The following NCAM2 variants were observed in gnomAD, a reference collection of about 807,000 sequenced individuals.
The protein encoded by NCAM2 is N-CAM-2.
In NCAM2, 30 loss-of-function variants were observed where a neutral mutation model predicts 98.1. The ratio of observed to expected loss-of-function variants is 0.31; its 90% CI spans 0.23 to 0.41. NCAM2 has a LOEUF of 0.41. Ranked by LOEUF, NCAM2 falls within the 10% of genes least tolerant of loss-of-function variation. NCAM2 has a pLI of 1.00. For missense variants in NCAM2, 867 were observed against 1,005.8 expected (o/e 0.86, Z 1.87); for synonymous variants, 368 against 342.4 (o/e 1.07, Z -0.83).
At position 21,474,644 on chromosome 21, in the gene NCAM2, G is replaced by T. The variant is rs372047873; in HGVS notation, c.1897-2647G>T. Among the ~76,000 whole-genome samples the T allele has an allele frequency of 5.9e-5, 9 of 151,830 alleles. No homozygotes were observed. The South Asian group carries it at 1.7e-3, about 28-fold the overall frequency. ...ATTTACTCACATCAACCACTTCATC[G>T]TTACATAGAAAGTACTGAATAGCTG... On this transcript the variant is annotated intron_variant, in intron 14 of 17. Coordinates refer to ENST00000400546, the MANE Select transcript of NCAM2 (RefSeq NM_004540.5).
intron 16 of NCAM2, among the ~76,000 whole-genome samples, chr21:21,515,720 A>G (rs933325154): frequency 2.6e-5 from 4 of 152,174 alleles, no homozygotes; most frequent in African/African-American, 9.6e-5. Context: ...CACCCTGGGT[A>G]TGACCATGAA....
chr21:21,527,252 C>T (rs1989377332), intron 16 of NCAM2, among the ~76,000 whole-genome samples: 1 of 151,992 alleles, frequency 6.6e-6, no homozygotes, highest in Non-Finnish European at 1.5e-5. Context: ...GCTGGGATTA[C>T]AGGCGCGTGC....
intron 1 of NCAM2, among the ~76,000 whole-genome samples, chr21:21,244,621 G>A (rs998521542): frequency 6.6e-6 from 1 of 152,068 alleles, no homozygotes; most frequent in Non-Finnish European, 1.5e-5. Context: ...GGCTGAGGCA[G>A]TTGGATCACG....
intron 1 of NCAM2, among the ~76,000 whole-genome samples, chr21:21,025,479 T>C (rs1365588692): frequency 6.6e-6 from 1 of 152,164 alleles, no homozygotes; most frequent in Non-Finnish European, 1.5e-5. Flanking sequence ...GTTTAATATT[T>C]TATGATTAGA....
chr21:21,201,611 G>A (rs2826731), intron 1 of NCAM2, among the ~76,000 whole-genome samples: 6,329 of 152,244 alleles, frequency 0.042, 353 homozygotes, highest in East Asian at 0.16. Flanking sequence ...GGATATCTCT[G>A]ATGCTTAAAC....
At chr21:21,453,227 G>T (rs1032359122) in intron 12 of NCAM2, among the ~76,000 whole-genome samples, 1 of 150,092 alleles carries the variant, frequency 6.7e-6, no homozygotes, top group African/African-American at 2.5e-5. Context: ...GCAAGATGCT[G>T]TGTAAGTGGG....
chr21:21,261,356 T>A (rs1288853811), intron 1 of NCAM2, among the ~76,000 whole-genome samples: 1 of 152,142 alleles, frequency 6.6e-6, no homozygotes, highest in Non-Finnish European at 1.5e-5. Context: ...CTAATAGATA[T>A]CTACAAAACA....
intron 1 of NCAM2, among the ~76,000 whole-genome samples, chr21:21,190,992 A>G (rs1007593208): frequency 2.0e-5 from 3 of 152,196 alleles, no homozygotes; most frequent in African/African-American, 7.2e-5. Context: ...ATATTTACAT[A>G]CAGTATTTAT....
At chr21:21,524,184 A>T (rs1164305829) in intron 16 of NCAM2, among the ~76,000 whole-genome samples, 2 of 152,264 alleles carry the variant, frequency 1.3e-5, no homozygotes, top group African/African-American at 4.8e-5. Context: ...CAGAGCAAGG[A>T]AAGTTATCAG....
At chr21:21,357,950 T>G (rs2075539104) in intron 8 of NCAM2, among the ~76,000 whole-genome samples, 1 of 152,158 alleles carries the variant, frequency 6.6e-6, no homozygotes, top group Non-Finnish European at 1.5e-5. Context: ...ACAGCCGAAC[T>G]AGACACATTG....
chr21:21,425,140 A>T (rs1184973360), intron 11 of NCAM2, among the ~76,000 whole-genome samples: 1 of 151,292 alleles, frequency 6.6e-6, no homozygotes, highest in Non-Finnish European at 1.5e-5. Context: ...AAGCAACATG[A>T]TTCATGTATC....
chr21:21,358,205 G>A (rs1167078990), intron 8 of NCAM2, among the ~76,000 whole-genome samples: 1 of 152,036 alleles, frequency 6.6e-6, no homozygotes, highest in African/African-American at 2.4e-5. Context: ...GTCTTGTTTA[G>A]GATTTAGATC....
At chr21:21,001,626 C>G (rs1568914692) in intron 1 of NCAM2, among the ~76,000 whole-genome samples, 3 of 152,194 alleles carry the variant, frequency 2.0e-5, no homozygotes, top group Non-Finnish European at 4.4e-5. Flanking sequence ...CCACTTCCTT[C>G]TTCCTTTAAA....
intron 8 of NCAM2, among the ~76,000 whole-genome samples, chr21:21,343,352 T>TACACACACACACACACACACACAC (rs1207234552): frequency 9.1e-6 from 1 of 110,076 alleles, no homozygotes; most frequent in African/African-American, 3.5e-5. Context: ...CAACTATCTA[T>TACACACACACACACACACACACAC]ACACATACAC....
chr21:21,317,040 A>G (rs1457924707), intron 5 of NCAM2, among the ~76,000 whole-genome samples: 2 of 152,164 alleles, frequency 1.3e-5, no homozygotes, highest in East Asian at 1.9e-4. Flanking sequence ...AACTTCTGCT[A>G]GCCATACACA....
chr21:21,357,396 TA>T (rs2075519753), intron 8 of NCAM2, among the ~76,000 whole-genome samples: 1 of 152,162 alleles, frequency 6.6e-6, no homozygotes, highest in Non-Finnish European at 1.5e-5. Context: ...GAAGCATCTT[TA>T]TATTATAGGG....
chr21:21,046,896 A>G (rs1483820673), intron 1 of NCAM2, among the ~76,000 whole-genome samples: 1 of 152,220 alleles, frequency 6.6e-6, no homozygotes, highest in Admixed American at 6.5e-5. Flanking sequence ...ATATCTAAGA[A>G]AATTTGATAA....
intron 16 of NCAM2, among the ~76,000 whole-genome samples, chr21:21,529,000 T>G (rs1989481345): frequency 1.3e-5 from 2 of 152,174 alleles, no homozygotes; most frequent in African/African-American, 2.4e-5. Context: ...AGTGAAATTT[T>G]GCTGTTGTCT....
intron 1 of NCAM2, among the ~76,000 whole-genome samples, chr21:21,164,091 C>T (rs1179226174): frequency 1.3e-5 from 2 of 152,198 alleles, no homozygotes; most frequent in South Asian, 2.1e-4. Context: ...GACTGGACAG[C>T]TGCCACCAGG....
Sources: allele counts gnomAD v4.1 joint callset (sites outside exome capture counted in the v4.1 genomes callset), GRCh38; gene constraint gnomAD v4.1.1; transcripts MANE v1.5; gene names NCBI Gene and HGNC (gene_info 2026-07-23, HGNC 2026-07-21).